The following HTATIP2 variants were observed in gnomAD, a reference collection of about 807,000 sequenced individuals.
HTATIP2 encodes the protein HIV-1 Tat interactive protein 2.
HTATIP2 carries 26 observed loss-of-function variants against 24.7 expected under a neutral mutation model. That is an observed-to-expected ratio of 1.05 (90% confidence interval 0.77 to 1.46). HTATIP2 has a LOEUF of 1.46. Ranked by LOEUF, HTATIP2 falls within the 40% of genes most tolerant of loss-of-function variation. HTATIP2 has a pLI of 0.00. For missense variants in HTATIP2, 284 were observed against 289.6 expected (o/e 0.98, Z 0.14); for synonymous variants, 99 against 113.2 (o/e 0.87, Z 0.79).
At chr11:20,381,271 C>G (rs1311242316) in intron 3 of HTATIP2, among the ~76,000 whole-genome samples, 1 of 151,978 alleles carries the variant, frequency 6.6e-6, no homozygotes, top group Non-Finnish European at 1.5e-5. Context: ...ACAACCCCGT[C>G]ACTACTAAAA....
chr11:20,379,598 T>G, intron 3 of HTATIP2, among the ~76,000 whole-genome samples: 1 of 152,216 alleles, frequency 6.6e-6, no homozygotes, highest in East Asian at 1.9e-4. Context: ...CTCTGGGGGC[T>G]TGGATCAATC....
At chr11:20,380,347 C>G in intron 3 of HTATIP2, among the ~76,000 whole-genome samples, 1 of 152,310 alleles carries the variant, frequency 6.6e-6, no homozygotes, top group Non-Finnish European at 1.5e-5. Flanking sequence ...TTTATGCACA[C>G]TGCTAATAGA....
At chr11:20,375,125 C>T (rs561031962) in intron 2 of HTATIP2, among the ~76,000 whole-genome samples, 5 of 152,202 alleles carry the variant, frequency 3.3e-5, no homozygotes, top group South Asian at 4.1e-4. Flanking sequence ...ACAGTTCACC[C>T]GCCCACTGGA....
Position 20,364,116 on chromosome 11 carries a change from G to T in HTATIP2, c.-122G>T. ...CACGTGACTCAGCACTTTCCCCAGA[G>T]CCCGGACTGCGGAGAACAATATCCT... On this transcript the variant is annotated 5_prime_UTR_variant, in exon 1 of 5. Coordinates refer to ENST00000451739, the MANE Select transcript of HTATIP2 (RefSeq NM_001098522.2). The T allele has an allele frequency of 2.8e-6, 4 of 1,444,946 alleles. No homozygotes were observed. Among genetic ancestry groups the T allele is most frequent in the Non-Finnish European group, 3.6e-6 (4 of 1,097,200 alleles). The allele number at this position is 1,444,946 out of a possible 1,614,324, so 89.5% of individuals were successfully genotyped here.
intron 2 of HTATIP2, among the ~76,000 whole-genome samples, chr11:20,370,710 C>T (rs189609439): frequency 0.01 from 1,564 of 152,184 alleles, 27 homozygotes; most frequent in African/African-American, 0.034. Context: ...AGTGCAGTGG[C>T]GCAATCTCGG....
Position 20,383,086 on chromosome 11 carries a change from G to A in HTATIP2, c.610G>A (p.Val204Met). The change falls in exon 5 of 5, where the codon GTG (valine) becomes ATG (methionine). Residue 204 changes from valine to methionine, a missense_variant. Transcript: ENST00000451739. ...GGCCAGTGGGCATTCTGTGCCTGTG[G>A]TGACCGTGGTTAGAGCAATGCTGAA... Reference protein sequence around the residue: ...SWASGHSVPVVTVVRAMLNNV... With the variant: ...SWASGHSVPVMTVVRAMLNNV... 6.2e-7 allele frequency: 1 copy of A among 1,613,876 alleles called. No homozygotes were observed. Among genetic ancestry groups the A allele is most frequent in the Admixed American group, 1.7e-5 (1 of 59,976 alleles).
At chr11:20,382,906 G>T in intron 4 of HTATIP2, 74 bp from the exon 5 acceptor site, 2 of 1,058,876 alleles carry the variant, frequency 1.9e-6, no homozygotes, top group Non-Finnish European at 2.7e-6. Context: ...TGTCCGTAAT[G>T]CCCACTGTGG....
chr11:20,367,280 C>G lies in HTATIP2; in HGVS notation c.302C>G (p.Ala101Gly). The change falls in exon 2 of 5, where the codon GCG (alanine) becomes GGG (glycine). Residue 101 changes from alanine to glycine, a missense_variant and splice_region_variant. Coordinates refer to ENST00000451739, the MANE Select transcript of HTATIP2 (RefSeq NM_001098522.2). ...CLGTTRGKAG[A>G]EGFVRVDRDY... ...GGTACCACCAGAGGGAAAGCTGGGGCGGTAAGGAAGGCATATGCTCTTTTC... is the reference window on the plus strand; with the variant it reads ...GGTACCACCAGAGGGAAAGCTGGGGGGGTAAGGAAGGCATATGCTCTTTTC... 1 of 1,613,950 alleles carries G rather than the reference C, an allele frequency of 6.2e-7. No individual in the cohort carries two copies. Among genetic ancestry groups the G allele is most frequent in the African/African-American group, 1.3e-5 (1 of 75,034 alleles).
chr11:20,383,533 G>A lies in HTATIP2; in HGVS notation c.*328G>A. Reference sequence around the variant, plus strand: ...CTGGTTCCGATGCCACTGGCTGGGGGGCCTGCTTTGAAATGCTTGTCTGCA... The same window carrying A: ...CTGGTTCCGATGCCACTGGCTGGGGAGCCTGCTTTGAAATGCTTGTCTGCA... On this transcript the variant is annotated 3_prime_UTR_variant, in exon 5 of 5. Coordinates refer to ENST00000451739, the MANE Select transcript of HTATIP2 (RefSeq NM_001098522.2). 1 of 267,188 alleles carries A rather than the reference G, an allele frequency of 3.7e-6. No individual in the cohort carries two copies. The highest frequency in any genetic ancestry group is 7.1e-6 in the Non-Finnish European group (1 of 140,762). The allele number at this position is 267,188 out of a possible 1,614,324, so 16.6% of individuals were successfully genotyped here. A position where few individuals can be genotyped will look rare whatever the true frequency, so the allele number is the denominator to read the frequency against.
At chr11:20,382,756 G>A (rs1270621562) in intron 4 of HTATIP2, among the ~76,000 whole-genome samples, 1 of 151,956 alleles carries the variant, frequency 6.6e-6, no homozygotes, top group South Asian at 2.1e-4. Flanking sequence ...CTCTTATGAG[G>A]ACCCCAGTCC....
intron 3 of HTATIP2, among the ~76,000 whole-genome samples, chr11:20,378,622 C>T (rs1437574630): frequency 6.6e-6 from 1 of 152,224 alleles, no homozygotes; most frequent in African/African-American, 2.4e-5. Context: ...ACTACTGACT[C>T]ACTGGGTTAT....
At chr11:20,366,082 T>C (rs2064700545) in intron 1 of HTATIP2, among the ~76,000 whole-genome samples, 3 of 147,202 alleles carry the variant, frequency 2.0e-5, no homozygotes, top group Non-Finnish European at 4.5e-5. Context: ...ATTTTTCTTT[T>C]TCTTTTCTTT....
intron 2 of HTATIP2, among the ~76,000 whole-genome samples, chr11:20,373,125 G>C (rs1304685230): frequency 2.0e-5 from 3 of 152,184 alleles, no homozygotes; most frequent in Non-Finnish European, 4.4e-5. Flanking sequence ...CCAGAGAACA[G>C]CAATGGAGAA....
chr11:20,370,573 CT>C lies in HTATIP2; in HGVS notation c.303+3293del, dbSNP rs1228676606. ...CCTTATGGCTTCTGATTCTAATGAT[CT>C]GCTCTTCTAATTCAAAGGTTTGCAA... On this transcript the variant is annotated intron_variant, in intron 2 of 4. Transcript: ENST00000451739. Among the ~76,000 whole-genome samples the C allele has an allele frequency of 5.9e-5, 9 of 152,260 alleles. No homozygotes were observed. The South Asian group carries it at 1.7e-3, about 28-fold the overall frequency.
At chr11:20,367,080 G>A in intron 1 of HTATIP2, 94 bp from the exon 2 acceptor site, 1 of 1,422,000 alleles carries the variant, frequency 7.0e-7, no homozygotes. Flanking sequence ...AGGCCTGTCA[G>A]TAATGTTCTG....
Position 20,383,262 on chromosome 11 carries a change from A to G in HTATIP2, c.*57A>G. 1 of 1,316,794 alleles carries G rather than the reference A, an allele frequency of 7.6e-7. No homozygotes were observed. The highest frequency in any genetic ancestry group is 1.1e-6 in the Non-Finnish European group (1 of 937,612). The allele number at this position is 1,316,794 out of a possible 1,614,324, so 81.6% of individuals were successfully genotyped here. The stretch of plus-strand genomic sequence containing the variant: ...CTTAACACCCATCACCAAATCGGTA[A>G]TTTCAGGGTCTAAAAAAAGTCAGCA... On this transcript the variant is annotated 3_prime_UTR_variant, in exon 5 of 5. Coordinates refer to ENST00000451739, the MANE Select transcript of HTATIP2 (RefSeq NM_001098522.2).
At chr11:20,364,462 C>T in intron 1 of HTATIP2, 30 bp downstream of exon 1, 1 of 1,544,836 alleles carries the variant, frequency 6.5e-7, no homozygotes, top group Non-Finnish European at 8.9e-7. Flanking sequence ...CTCAAATGGA[C>T]CCCCAGGATT....
In HTATIP2 at chr11:20,364,365, T is replaced by G. The variant is rs1192754058; in HGVS notation, c.128T>G (p.Leu43Arg). 1.2e-6 allele frequency: 2 copies of G among 1,613,496 alleles called. No homozygotes were observed. The highest frequency in any genetic ancestry group is 8.5e-7 in the Non-Finnish European group (1 of 1,179,566). ...TTAAAGGAAATCCTGGAGCAGGGCC[T>G]GTTTTCCAAAGTCACGCTCATTGGC... is the stretch of plus-strand genomic sequence containing the variant. Reference protein sequence around the residue: ...VLLKEILEQGLFSKVTLIGRR... With the variant: ...VLLKEILEQGRFSKVTLIGRR... Residue 43 changes from leucine to arginine, a missense_variant, in exon 1 of 5, where the codon CTG (leucine) becomes CGG (arginine). Coordinates refer to ENST00000451739, the MANE Select transcript of HTATIP2 (RefSeq NM_001098522.2).
chr11:20,376,283 C>A, intron 2 of HTATIP2: 1 of 363,342 alleles, frequency 2.8e-6, no homozygotes, highest in Non-Finnish European at 4.9e-6. Flanking sequence ...AGTTTCTCAG[C>A]CTGATCTTAC....
Sources: gnomAD v4.1 joint callset for allele counts (sites outside exome capture counted in the v4.1 genomes callset) on GRCh38, gnomAD v4.1.1 for gene constraint, MANE v1.5 for transcripts, NCBI Gene and HGNC (gene_info 2026-07-23, HGNC 2026-07-21) for gene names.